CACNA2D1: variants seen among roughly 807,000 people sequenced by gnomAD.
CACNA2D1 encodes the protein calcium voltage-gated channel auxiliary subunit alpha2delta 1, also known as voltage-dependent calcium channel subunit alpha-2/delta-1.
CACNA2D1 carries 53 observed loss-of-function variants against 171.5 expected under a neutral mutation model. The observed-to-expected ratio is 0.31, with a 90% CI of 0.25 to 0.39. The LOEUF (loss-of-function observed/expected upper bound fraction) is 0.39, where lower values mean the gene tolerates loss of function less well. Among genes scored for constraint, CACNA2D1 ranks in the 10% least tolerant of loss-of-function variants. CACNA2D1 has a pLI of 1.00. For missense variants in CACNA2D1, 903 were observed against 1,299.8 expected, an observed-to-expected ratio of 0.69 and a Z score of 4.69; for synonymous variants, 442 against 443.1, an observed-to-expected ratio of 1.00 and a Z score of 0.03.
chr7:82,400,690 A>C lies in CACNA2D1; in HGVS notation c.95+42675T>G, dbSNP rs1391974260. On this transcript the variant is annotated intron_variant, in intron 1 of 38. Transcript: ENST00000356860. ...ACACCAAAAGCAATGGCAACAAAAG[A>C]CAAAATTGACAAATGGGATCTAATT... 4.1e-3 allele frequency among the ~76,000 whole-genome samples: 624 copies of C among 152,060 alleles called. 2 individuals carry two copies. Among genetic ancestry groups the C allele is most frequent in the African/African-American group, 8.3e-3 (344 of 41,486 alleles).
In CACNA2D1 at chr7:82,140,407, T is replaced by G. The variant is rs189966794; in HGVS notation, c.355-3731A>C. Among the ~76,000 whole-genome samples, 524 of 152,228 alleles carry G rather than the reference T, an allele frequency of 3.4e-3. 2 individuals carry two copies. The highest frequency in any genetic ancestry group is 0.012 in the African/African-American group (490 of 41,550). ...TGCTTTTCTTTCCCAAACCCCAAAT[T>G]TTCATTCATAGCATATACATTTCAT... On this transcript the variant is annotated intron_variant, in intron 4 of 38. Transcript: ENST00000356860.
At chr7:82,032,308 A>T (rs1017987172) in intron 12 of CACNA2D1, among the ~76,000 whole-genome samples, 2 of 151,820 alleles carry the variant, frequency 1.3e-5, no homozygotes, top group African/African-American at 4.8e-5. Flanking sequence ...CTTGAAAGGA[A>T]TCAGTTTTCA....
rs760927013 is a variant in CACNA2D1 at position 81,950,469 on chromosome 7, G to A, written c.3199C>T (p.Pro1067Ser). 1 of 1,612,750 alleles carries A rather than the reference G, an allele frequency of 6.2e-7. No homozygotes were observed. Among genetic ancestry groups the A allele is most frequent in the Non-Finnish European group, 8.5e-7 (1 of 1,179,504 alleles). ...ATTCCAATGATATACCACAGGGAGG[G>A]ATTTAATCCAGAAACACCACCACAG... ...TDCGGVSGLN[P>S]SLWYIIGIQF... Residue 1067 changes from proline (P) to serine (S), a missense_variant, in exon 39 of 39, where the codon CCC (proline) becomes TCC (serine). By Grantham distance (74) the Pro-to-Ser change is moderately conservative (BLOSUM62 -1). Around this residue, in one of 5 missense-constraint regions of CACNA2D1, gnomAD observed 38 missense variants for 29.2 expected, o/e 1.30. Transcript: ENST00000356860.
At chr7:81,971,673 T>C in intron 26 of CACNA2D1, 104 bp downstream of exon 26, 1 of 720,898 alleles carries the variant, frequency 1.4e-6, no homozygotes, top group Non-Finnish European at 2.5e-6. Flanking sequence ...ATATTAAACA[T>C]TATTAATGAA....
chr7:82,026,876 A>C (rs1801991654), intron 12 of CACNA2D1, among the ~76,000 whole-genome samples: 1 of 151,792 alleles, frequency 6.6e-6, no homozygotes, highest in Non-Finnish European at 1.5e-5. Context: ...GTTTTAATAA[A>C]ATACAGGTAT....
chr7:82,376,882 G>C (rs2237522), intron 1 of CACNA2D1, among the ~76,000 whole-genome samples: 1 of 152,270 alleles, frequency 6.6e-6, no homozygotes, highest in East Asian at 1.9e-4. Context: ...ATAAAATGCT[G>C]AACAATGAAA....
intron 6 of CACNA2D1, among the ~76,000 whole-genome samples, chr7:82,103,083 G>T (rs942796233): frequency 6.6e-6 from 1 of 152,108 alleles, no homozygotes; most frequent in Admixed American, 6.6e-5. Flanking sequence ...TAAGGCAGGC[G>T]GATCACTTGA....
At chr7:82,095,162 T>C (rs1811705685) in intron 6 of CACNA2D1, among the ~76,000 whole-genome samples, 1 of 152,038 alleles carries the variant, frequency 6.6e-6, no homozygotes, top group South Asian at 2.1e-4. Flanking sequence ...CTGTATGCTG[T>C]CTTCTCTGTC....
intron 1 of CACNA2D1, among the ~76,000 whole-genome samples, chr7:82,428,409 T>G (rs1422824362): frequency 6.6e-6 from 1 of 152,204 alleles, no homozygotes; most frequent in Non-Finnish European, 1.5e-5. Context: ...AACCATCTGT[T>G]GCATTTTATT....
chr7:81,970,941 C>G, intron 26 of CACNA2D1: 2 of 557,234 alleles, frequency 3.6e-6, no homozygotes, highest in Non-Finnish European at 6.4e-6. Context: ...GAAATAATGA[C>G]TGAGGTGCAT....
chr7:82,114,770 A>G (rs1412113403), intron 6 of CACNA2D1, among the ~76,000 whole-genome samples: 1 of 151,638 alleles, frequency 6.6e-6, no homozygotes, highest in Non-Finnish European at 1.5e-5. Context: ...GAAAAAAAAA[A>G]AAAAAAAAAG....
At chr7:82,290,448 T>G (rs1468612879) in intron 3 of CACNA2D1, among the ~76,000 whole-genome samples, 1 of 152,116 alleles carries the variant, frequency 6.6e-6, no homozygotes, top group African/African-American at 2.4e-5. Flanking sequence ...AACACATTGT[T>G]TTATATAAGA....
intron 5 of CACNA2D1, among the ~76,000 whole-genome samples, chr7:82,122,692 C>T (rs1357452095): frequency 6.6e-6 from 1 of 152,106 alleles, no homozygotes; most frequent in Non-Finnish European, 1.5e-5. Context: ...TTATCTTCTG[C>T]TCAAGGATTG....
At chr7:82,207,032 G>T (rs1035788511) in intron 3 of CACNA2D1, among the ~76,000 whole-genome samples, 5 of 152,218 alleles carry the variant, frequency 3.3e-5, no homozygotes, top group Admixed American at 2.0e-4. Flanking sequence ...CCAGGTGATT[G>T]TAAATGTTCG....
intron 3 of CACNA2D1, 72 bp from the exon 4 acceptor site, chr7:82,170,681 G>A (rs760334707): frequency 5.2e-5 from 69 of 1,329,344 alleles, no homozygotes; most frequent in Non-Finnish European, 6.2e-5. Flanking sequence ...AAATGCTTGC[G>A]CTTTCTAATC....
chr7:82,196,227 TTAAAG>T (rs1312799484), intron 3 of CACNA2D1, among the ~76,000 whole-genome samples: 2 of 152,096 alleles, frequency 1.3e-5, no homozygotes, highest in Non-Finnish European at 2.9e-5. Flanking sequence ...ATAACTCTCT[TTAAAG>T]TAAGGATGTT....
intron 7 of CACNA2D1, among the ~76,000 whole-genome samples, chr7:82,081,459 A>C (rs1809763128): frequency 6.6e-6 from 1 of 152,170 alleles, no homozygotes; most frequent in South Asian, 2.1e-4. Flanking sequence ...ATAAAGAGCA[A>C]CTCAGTAACA....
chr7:82,334,501 A>G (rs2129444242), intron 3 of CACNA2D1, among the ~76,000 whole-genome samples: 1 of 152,336 alleles, frequency 6.6e-6, no homozygotes, highest in South Asian at 2.1e-4. Flanking sequence ...ACTGAATAAA[A>G]TGAATTAAAT....
intron 3 of CACNA2D1, among the ~76,000 whole-genome samples, chr7:82,269,621 C>T (rs1047772721): frequency 1.3e-5 from 2 of 152,272 alleles, no homozygotes; most frequent in East Asian, 3.9e-4. Flanking sequence ...TTCCCCACTG[C>T]ACTGTGAGGT....
Sources: gnomAD v4.1 joint callset for allele counts (sites outside exome capture counted in the v4.1 genomes callset) on GRCh38, gnomAD v4.1.1 for gene constraint, gnomAD v4.1.1 regional missense constraint, MANE v1.5 for transcripts, NCBI Gene and HGNC (gene_info 2026-07-23, HGNC 2026-07-21) for gene names.